Variants in SRCIN1 observed in about 807,000 individuals in gnomAD.
SRCIN1 encodes SRC kinase signaling inhibitor 1, also known as P130Cas-associated protein.
A neutral mutation model predicts 116.2 loss-of-function variants in SRCIN1; 50 were observed. The ratio of observed to expected loss-of-function variants is 0.43; its 90% CI spans 0.34 to 0.54. SRCIN1 has a LOEUF of 0.54. Ranked by LOEUF, SRCIN1 falls within the 20% of genes least tolerant of loss-of-function variation. The pLI, the probability that SRCIN1 is intolerant of heterozygous loss-of-function variation, is 0.02. For missense variants in SRCIN1, 1,446 were observed against 1,672.0 expected, an observed-to-expected ratio of 0.86 and a Z score of 2.36; for synonymous variants, 736 against 750.0, an observed-to-expected ratio of 0.98 and a Z score of 0.30.
chr17:38,589,802 T>C (rs1276926144), intron 1 of SRCIN1, among the ~76,000 whole-genome samples: 1 of 152,164 alleles, frequency 6.6e-6, no homozygotes, highest in Non-Finnish European at 1.5e-5. Context: ...CCCTGCAAGC[T>C]AGCTAAGAAC....
intron 18 of SRCIN1, among the ~76,000 whole-genome samples, chr17:38,536,555 G>A (rs1298498762): frequency 1.3e-5 from 2 of 152,154 alleles, no homozygotes; most frequent in Non-Finnish European, 2.9e-5. Flanking sequence ...ATGTTCCCGA[G>A]GCCCTTCACA....
intron 17 of SRCIN1, among the ~76,000 whole-genome samples, chr17:38,545,829 C>T (rs1905040651): frequency 6.6e-6 from 1 of 152,150 alleles, no homozygotes; most frequent in Non-Finnish European, 1.5e-5. Flanking sequence ...GAAGTGAGCT[C>T]GCTGGGCATG....
chr17:38,561,655 G>T lies in SRCIN1; in HGVS notation c.1508C>A (p.Ser503Ter). 1 of 1,562,258 alleles carries T rather than the reference G, an allele frequency of 6.4e-7. No individual in the cohort carries two copies. Reference protein sequence around the residue: ...SPYSGPPSRGSPVRQSFRKDS... With the variant: ...SPYSGPPSRG ...CTTGCGGAAGGACTGGCGCACTGGC[G>T]AGCCGCGGCTGGGCGGCCCCGAGTA... The change falls in exon 7 of 19, where the codon TCG becomes TAG. Residue 503 changes from serine to a stop codon, truncating the protein, a stop_gained. Coordinates refer to ENST00000617146, the MANE Select transcript of SRCIN1 (RefSeq NM_025248.3). LOFTEE classifies it high-confidence loss of function.
intron 8 of SRCIN1, 115 bp from the exon 9 acceptor site, chr17:38,560,212 A>G: frequency 2.2e-6 from 3 of 1,376,576 alleles, no homozygotes; most frequent in Non-Finnish European, 3.0e-6. Context: ...ATGGAGTCCC[A>G]GAGAAGGGAA....
At chr17:38,576,946 T>A (rs957449524) in intron 2 of SRCIN1, among the ~76,000 whole-genome samples, 4 of 151,884 alleles carry the variant, frequency 2.6e-5, no homozygotes, top group African/African-American at 9.7e-5. Context: ...GCCACCACCA[T>A]CTGCCCCACT....
intron 11 of SRCIN1, among the ~76,000 whole-genome samples, chr17:38,557,731 A>C (rs1715171312): frequency 6.6e-6 from 1 of 152,222 alleles, no homozygotes; most frequent in African/African-American, 2.4e-5. Flanking sequence ...CAGCTGCACT[A>C]GGAAGGAAGG....
rs374208381 is a variant in SRCIN1, at chr17:38,558,207, C to T, written c.2201+20G>A. The T allele has an allele frequency of 3.7e-6, 6 of 1,604,898 alleles. No individual in the cohort carries two copies. Among genetic ancestry groups the T allele is most frequent in the African/African-American group, 1.3e-5 (1 of 74,716 alleles). ...CCAGCCGCACCCCCACCCCTCCCTC[C>T]GCCGCGGGCCCAGCCTCACTTGAGC... On this transcript the variant is annotated intron_variant, in intron 11 of 18. Coordinates refer to ENST00000617146, the MANE Select transcript of SRCIN1 (RefSeq NM_025248.3). The surrounding 1 kb of genome is among the most constrained non-coding windows in gnomAD (Gnocchi z 4.6).
intron 1 of SRCIN1, among the ~76,000 whole-genome samples, chr17:38,605,283 C>A (rs1188502059): frequency 6.7e-6 from 1 of 148,166 alleles, no homozygotes; most frequent in Admixed American, 6.7e-5. Flanking sequence ...ACTTCCCCCA[C>A]CTCGGAGGGA....
chr17:38,605,321 A>C (rs1909299053), intron 1 of SRCIN1, among the ~76,000 whole-genome samples: 1 of 41,712 alleles, frequency 2.4e-5, no homozygotes, highest in Non-Finnish European at 4.5e-5. Flanking sequence ...CCTCCTCACC[A>C]TCCATCCCCC....
chr17:38,543,707 C>G, intron 18 of SRCIN1, 116 bp downstream of exon 18: 1 of 1,429,776 alleles, frequency 7.0e-7, no homozygotes, highest in Non-Finnish European at 9.3e-7. Flanking sequence ...GAAGGTCTGT[C>G]TGGGAAGAGG....
In SRCIN1 at chr17:38,543,975, G is replaced by A. The variant is rs1340234906; in HGVS notation, c.3271-6C>T. 1 of 1,577,568 alleles carries A rather than the reference G, an allele frequency of 6.3e-7. No homozygotes were observed. The highest frequency in any genetic ancestry group is 1.8e-5 in the Admixed American group (1 of 55,954). Reference sequence around the variant, plus strand: ...GGTACACTGCCTCCGCCACTCTGCAGGAAGAGGAACAGGGTTGCAGTTGCA... The same window carrying A: ...GGTACACTGCCTCCGCCACTCTGCAAGAAGAGGAACAGGGTTGCAGTTGCA... On this transcript the variant is annotated splice_polypyrimidine_tract_variant and splice_region_variant and intron_variant, in intron 17 of 18. Coordinates refer to ENST00000617146, the MANE Select transcript of SRCIN1 (RefSeq NM_025248.3).
chr17:38,546,041 C>A (rs922673061), intron 17 of SRCIN1, among the ~76,000 whole-genome samples: 1 of 152,180 alleles, frequency 6.6e-6, no homozygotes, highest in Non-Finnish European at 1.5e-5. Context: ...TCCTCTGTGG[C>A]ACACACACTC....
Position 38,564,248 on chromosome 17 carries a change from G to A in SRCIN1, c.411C>T (p.Ser137=). The change falls in exon 4 of 19, where the codon TCC becomes TCT. Residue 137 remains serine, a synonymous_variant. Coordinates refer to ENST00000617146, the MANE Select transcript of SRCIN1 (RefSeq NM_025248.3). ...TCTCCAGCGACTCGGCGGAGGCGTA[G>A]GACAGCTTTGCCGCCTGGTCTGCCA... ...PGLADQAAKL[S]YASAESLETM... is the part of the protein sequence containing the mutation. The A allele has an allele frequency of 1.3e-6, 2 of 1,576,158 alleles. No individual in the cohort carries two copies. Among genetic ancestry groups the A allele is most frequent in the East Asian group, 4.7e-5 (2 of 42,926 alleles).
rs551281652 is a variant in SRCIN1, at chr17:38,544,533, C to G, written c.3271-564G>C. 6.6e-6 allele frequency: 1 copy of G among 152,560 alleles called. No homozygotes were observed. Among genetic ancestry groups the G allele is most frequent in the South Asian group, 2.1e-4 (1 of 4,820 alleles). The allele number at this position is 152,560 out of a possible 1,614,324, so 9.5% of individuals were successfully genotyped here. A position where few individuals can be genotyped will look rare whatever the true frequency, so the allele number is the denominator to read the frequency against. On this transcript the variant is annotated intron_variant, in intron 17 of 18. Coordinates refer to ENST00000617146, the MANE Select transcript of SRCIN1 (RefSeq NM_025248.3). The surrounding 1 kb of genome is among the most constrained non-coding windows in gnomAD (Gnocchi z 4.5). ...TCCAGAGGCGCAAGCAGAGAGATGACAGAGACAGAGAATCAGAGACAGGAA... is the reference window on the plus strand; with the variant it reads ...TCCAGAGGCGCAAGCAGAGAGATGAGAGAGACAGAGAATCAGAGACAGGAA...
intron 1 of SRCIN1, among the ~76,000 whole-genome samples, chr17:38,590,852 G>C (rs780531875): frequency 7.2e-5 from 11 of 152,188 alleles, no homozygotes; most frequent in Non-Finnish European, 1.3e-4. Context: ...CATTAGGCCA[G>C]AGCCCCACAG....
chr17:38,562,475 C>T lies in SRCIN1; in HGVS notation c.835-147G>A. Reference sequence around the variant, plus strand: ...CTCCATCCTGCTGCGTCTAGGGTCCCTTTCCCATCAGGGTTCCTAGCATGG... The same window carrying T: ...CTCCATCCTGCTGCGTCTAGGGTCCTTTTCCCATCAGGGTTCCTAGCATGG... On this transcript the variant is annotated intron_variant, in intron 6 of 18. Transcript: ENST00000617146. The surrounding 1 kb of genome is among the most constrained non-coding windows in gnomAD (Gnocchi z 4.2). The T allele has an allele frequency of 9.5e-7, 1 of 1,054,138 alleles. No individual in the cohort carries two copies. The highest frequency in any genetic ancestry group is 1.3e-6 in the Non-Finnish European group (1 of 773,806). 65.3% of individuals were successfully genotyped at this position (1,054,138 alleles called of 1,614,324 possible).
Position 38,558,443 on chromosome 17 carries a change from G to C in SRCIN1, c.2026-41C>G. 6.5e-7 allele frequency: 1 copy of C among 1,544,686 alleles called. No homozygotes were observed. The highest frequency in any genetic ancestry group is 8.7e-7 in the Non-Finnish European group (1 of 1,153,092). On this transcript the variant is annotated intron_variant, in intron 10 of 18. Transcript: ENST00000617146. The surrounding 1 kb of genome is among the most constrained non-coding windows in gnomAD (Gnocchi z 4.6). ...ACGGATGGACCCGGGTGGGGGGAGCGGAGCCGCGAGGCAGGGGAAGGGCCG... is the reference window on the plus strand; with the variant it reads ...ACGGATGGACCCGGGTGGGGGGAGCCGAGCCGCGAGGCAGGGGAAGGGCCG...
chr17:38,583,551 T>G (rs1182262877), intron 1 of SRCIN1, among the ~76,000 whole-genome samples: 1 of 107,198 alleles, frequency 9.3e-6, no homozygotes, highest in African/African-American at 6.5e-5. Context: ...ATTTTCTGTT[T>G]TTTTTTTTTT....
At position 38,578,607 on chromosome 17, in the gene SRCIN1, G is replaced by A. The variant is rs550339711; in HGVS notation, c.207C>T (p.Ser69=). 8 of 1,610,198 alleles carry A rather than the reference G, an allele frequency of 5.0e-6. No individual in the cohort carries two copies. In the South Asian group the frequency reaches 7.7e-5, roughly 16 times the overall value. ...VIAAQSLEAL[S]GLQKADADRK... ...GGTCGGCGTCCGCCTTCTGGAGCCC[G>A]CTGAGCGCCTCCAGACTCTGGGCCG... Residue 69 remains serine (S), a synonymous_variant, in exon 2 of 19, where the codon AGC becomes AGT. Transcript: ENST00000617146.
Sources: allele counts gnomAD v4.1 joint callset (sites outside exome capture counted in the v4.1 genomes callset), GRCh38; gene constraint gnomAD v4.1.1; non-coding constraint Gnocchi (gnomAD v3.1); transcripts MANE v1.5; gene names NCBI Gene and HGNC (gene_info 2026-07-23, HGNC 2026-07-21).